The following WIZ variants were observed in gnomAD, a reference collection of about 807,000 sequenced individuals.
WIZ encodes protein Wiz.
Under a neutral mutation model 140.2 loss-of-function variants are expected in WIZ, and 25 were observed. The ratio of observed to expected loss-of-function variants is 0.18; its 90% CI spans 0.13 to 0.25. The LOEUF is 0.25. Among genes scored for constraint, WIZ ranks in the 10% least tolerant of loss-of-function variants. The pLI is 1.00. For missense variants in WIZ, 2,231 were observed against 2,632.6 expected (o/e 0.85, Z 3.34); for synonymous variants, 1,125 against 1,154.3 (o/e 0.97, Z 0.51).
rs1186341844 is a variant in WIZ, at chr19:15,428,328, T to C, written c.3596A>G (p.Gln1199Arg). The C allele has an allele frequency of 1.3e-6, 2 of 1,534,382 alleles. No individual in the cohort carries two copies. The highest frequency in any genetic ancestry group is 8.7e-7 in the Non-Finnish European group (1 of 1,146,382). Residue 1199 changes from glutamine to arginine, a missense_variant, in exon 8 of 13, where the codon CAG becomes CGG. By Grantham distance (43) the Gln-to-Arg change is conservative. Coordinates refer to ENST00000673675, the MANE Select transcript of WIZ (RefSeq NM_001371589.1). This position sits in a 1 kb window ranked among gnomAD's most constrained non-coding sequence, Gnocchi z 6.4. ...GCCGCGCCTGGGTGGGAGGCGGATC[T>C]GGACGCCGTCCCTCCTGATGAGCCC... ...LHGLIRRDGV[Q>R]IRLPPRRGAL...
In WIZ at chr19:15,439,273, C is replaced by G. The variant is rs1236144765; in HGVS notation, c.1721G>C (p.Arg574Thr). 39 of 1,534,968 alleles carry G rather than the reference C, an allele frequency of 2.5e-5. No homozygotes were observed. The South Asian group carries it at 3.9e-4, about 15-fold the overall frequency. ...SKPLLHGTGQRPLGRLAFPST... is the reference protein window; with the variant it reads ...SKPLLHGTGQTPLGRLAFPST... ...GGGAAAGGCCAGCCTTCCGAGAGGC[C>G]TCTGGCCCGTGCCATGCAGGAGTGG... is the stretch of plus-strand genomic sequence containing the variant. Residue 574 changes from arginine to threonine, a missense_variant, in exon 4 of 13, where the codon AGG (arginine) becomes ACG (threonine). Arg to Thr is a moderately conservative substitution (Grantham distance 71). Around this residue, in one of 15 missense-constraint regions of WIZ, gnomAD observed 475 missense variants for 520.2 expected, o/e 0.91. Coordinates refer to ENST00000673675, the MANE Select transcript of WIZ (RefSeq NM_001371589.1). The surrounding 1 kb of genome is among the most constrained non-coding windows in gnomAD (Gnocchi z 7.0).
At position 15,427,643 on chromosome 19, in the gene WIZ, T is replaced by C; in HGVS notation, c.3815-110A>G. 1 of 1,269,204 alleles carries C rather than the reference T, an allele frequency of 7.9e-7. No individual in the cohort carries two copies. Among genetic ancestry groups the C allele is most frequent in the Non-Finnish European group, 1.1e-6 (1 of 938,266 alleles). 78.6% of individuals were successfully genotyped at this position (1,269,204 alleles called of 1,614,324 possible). A position where few individuals can be genotyped will look rare whatever the true frequency, so the allele number is the denominator to read the frequency against. On this transcript the variant is annotated intron_variant, in intron 8 of 12. Transcript: ENST00000673675. This position sits in a 1 kb window ranked among gnomAD's most constrained non-coding sequence, Gnocchi z 6.4. ...GGGCGGCAGCAGCACGCCCACAGGT[T>C]AGGGTGGTGAGGGCAGGTGCAGGTA...
chr19:15,425,320 T>G lies in WIZ; in HGVS notation c.4815A>C (p.Ala1605=), dbSNP rs1172180197. ...GGATGTAGGTCTTGGCCTTGACCTCTGCTGGGAGGAGGCGGTCCTCCTGCA... is the reference window on the plus strand; with the variant it reads ...GGATGTAGGTCTTGGCCTTGACCTCGGCTGGGAGGAGGCGGTCCTCCTGCA... ...RPLQEDRLLP[A]EVKAKTYIQT... is the part of the protein sequence containing the mutation. The change falls in exon 10 of 13, where the codon GCA becomes GCC. Residue 1605 remains alanine (A), a synonymous_variant. Transcript: ENST00000673675. 2.5e-6 allele frequency: 4 copies of G among 1,579,234 alleles called. No homozygotes were observed. In the East Asian group the frequency reaches 7.0e-5, roughly 28 times the overall value.
Position 15,448,082 on chromosome 19 carries a change from C to T in WIZ, c.205+21G>A, listed in dbSNP as rs536437995. ...GAATGGGCTGGATGCTCCCTGGGGG[C>T]CACACGGCCCATTCTCTTACCAGAG... is the stretch of plus-strand genomic sequence containing the variant. On this transcript the variant is annotated intron_variant, in intron 2 of 12. Coordinates refer to ENST00000673675, the MANE Select transcript of WIZ (RefSeq NM_001371589.1). 3 of 1,611,082 alleles carry T rather than the reference C, an allele frequency of 1.9e-6. No homozygotes were observed. In the African/African-American group the frequency reaches 4.0e-5, roughly 22 times the overall value.
rs747096765 is a variant in WIZ, at chr19:15,426,992, G to C, written c.4356C>G (p.Pro1452=). The C allele has an allele frequency of 3.1e-6, 5 of 1,612,350 alleles. No homozygotes were observed. Among genetic ancestry groups the C allele is most frequent in the East Asian group, 2.2e-5 (1 of 44,872 alleles). Residue 1452 remains proline (P), a synonymous_variant, in exon 9 of 13, where the codon CCC becomes CCG. Transcript: ENST00000673675. ...PWGAPREDMT[P]LNLSSRAEPV... The stretch of plus-strand genomic sequence containing the variant: ...CAGGGTCACACTTACACAGGTTCAG[G>C]GGTGTCATGTCTTCCCGTGGTGCCC...
rs956318263 is a variant in WIZ, at chr19:15,440,099, C to G, written c.895G>C (p.Glu299Gln). 1.3e-6 allele frequency: 2 copies of G among 1,534,338 alleles called. No homozygotes were observed. Among genetic ancestry groups the G allele is most frequent in the Non-Finnish European group, 1.7e-6 (2 of 1,145,910 alleles). ...YLCELLEEVA[E>Q]GVASPDEDED... ...TCCTCATCTGGGCTGGCCACCCCTT[C>G]GGCCACCTCCTCCAGCAGCTCACAC... Residue 299 changes from glutamate to glutamine, a missense_variant, in exon 4 of 13, where the codon GAA (glutamate) becomes CAA (glutamine). Glu to Gln is a conservative substitution (Grantham distance 29, BLOSUM62 2). This residue lies in a region of WIZ where 307 missense variants were observed against 294.1 expected (regional missense o/e 1.04). Coordinates refer to ENST00000673675, the MANE Select transcript of WIZ (RefSeq NM_001371589.1). The surrounding 1 kb of genome is among the most constrained non-coding windows in gnomAD (Gnocchi z 6.2).
In WIZ at chr19:15,427,112, C is replaced by T. The variant is rs1297744500; in HGVS notation, c.4236G>A (p.Lys1412=). The change falls in exon 9 of 13, where the codon AAG becomes AAA. Residue 1412 remains lysine (K), a synonymous_variant. Transcript: ENST00000673675. The surrounding 1 kb of genome is among the most constrained non-coding windows in gnomAD (Gnocchi z 6.4). ...CCCGTATTTGTTCAGGCTTCAGCTT[C>T]TTGGGCAAGGAGGGTGCAGCCAGGC... The part of the protein sequence containing the change: ...FPGLAAPSLP[K]KLKPEQIRVE... The T allele has an allele frequency of 6.2e-7, 1 of 1,614,212 alleles. No individual in the cohort carries two copies. Among genetic ancestry groups the T allele is most frequent in the Non-Finnish European group, 8.5e-7 (1 of 1,180,030 alleles).
chr19:15,425,807 GGA>G, intron 9 of WIZ, 39 bp from the exon 10 acceptor site: 4 of 109,114 alleles, frequency 3.7e-5, no homozygotes, highest in Non-Finnish European at 4.2e-5. Context: ...AGGAGGAGGA[GGA>G]GGAGGAGGGA....
chr19:15,438,384 A>C (rs1568308311), intron 4 of WIZ, among the ~76,000 whole-genome samples, 194 bp downstream of exon 4: 1 of 152,194 alleles, frequency 6.6e-6, no homozygotes, highest in Non-Finnish European at 1.5e-5. Context: ...TCCTTCCTCC[A>C]GTGGCTGGAA....
chr19:15,428,447 G>T lies in WIZ; in HGVS notation c.3477C>A (p.Thr1159=), dbSNP rs983268596. 4 of 1,535,664 alleles carry T rather than the reference G, an allele frequency of 2.6e-6. No homozygotes were observed. The highest frequency in any genetic ancestry group is 3.5e-6 in the Non-Finnish European group (4 of 1,146,832). ...DCQLCGAWFE[T]RKGLSSHARA... is the part of the protein sequence containing the mutation. ...GGGCGTGGCTAGACAGGCCCTTGCG[G>T]GTCTCAAACCAGGCACCGCACAGCT... The change falls in exon 8 of 13, where the codon ACC becomes ACA. Residue 1159 remains threonine, a synonymous_variant. Coordinates refer to ENST00000673675, the MANE Select transcript of WIZ (RefSeq NM_001371589.1). This position sits in a 1 kb window ranked among gnomAD's most constrained non-coding sequence, Gnocchi z 6.4.
rs1022760413 is a variant in WIZ at position 15,422,967 on chromosome 19, T to C, written c.*109A>G. ...CCCCAAGGGGCGCCGGTTTGAGGTT[T>C]TGGCTTGCTCCTTTGGAAACGGAAA... On this transcript the variant is annotated 3_prime_UTR_variant, in exon 13 of 13. Transcript: ENST00000673675. 14 of 1,486,020 alleles carry C rather than the reference T, an allele frequency of 9.4e-6. No homozygotes were observed. The East Asian group carries it at 1.9e-4, about 20-fold the overall frequency. The allele number at this position is 1,486,020 out of a possible 1,614,324, so 92.1% of individuals were successfully genotyped here. A position where few individuals can be genotyped will look rare whatever the true frequency, so the allele number is the denominator to read the frequency against.
At position 15,436,833 on chromosome 19, in the gene WIZ, C is replaced by T. The variant is rs201910472; in HGVS notation, c.2713G>A (p.Glu905Lys). 2.1e-4 allele frequency: 329 copies of T among 1,604,726 alleles called. 1 individual carries two copies. The African/African-American group carries it at 4.1e-3, about 20-fold the overall frequency. Reference protein sequence around the residue: ...LTVPFPPTWAEDPGPAYGDGL... With the variant: ...LTVPFPPTWAKDPGPAYGDGL... ...TCTCCATAGGCTGGCCCAGGGTCCT[C>T]AGCCCAGGTGGGTGGAAAGGGCACC... The change falls in exon 5 of 13, where the codon GAG becomes AAG. Residue 905 changes from glutamate (E) to lysine (K), a missense_variant. Glu to Lys is a moderately conservative substitution (Grantham distance 56, BLOSUM62 1). Transcript: ENST00000673675.
chr19:15,434,456 G>C (rs1429663667), intron 5 of WIZ, among the ~76,000 whole-genome samples: 1 of 151,308 alleles, frequency 6.6e-6, no homozygotes, highest in Non-Finnish European at 1.5e-5. Context: ...CCAGCTACTC[G>C]GGAGGCTGAG....
Position 15,422,905 on chromosome 19 carries a change from A to G in WIZ, c.*171T>C. On this transcript the variant is annotated 3_prime_UTR_variant, in exon 13 of 13. Coordinates refer to ENST00000673675, the MANE Select transcript of WIZ (RefSeq NM_001371589.1). The stretch of plus-strand genomic sequence containing the variant: ...TCCTCGGGCTGGGGGAAGGGCAGCT[A>G]GCTGGCTCCCGGCGCCCTGGCTGTA... The G allele has an allele frequency of 1.0e-6, 1 of 961,662 alleles. No individual in the cohort carries two copies. Among genetic ancestry groups the G allele is most frequent in the Non-Finnish European group, 1.5e-6 (1 of 670,986 alleles). The allele number at this position is 961,662 out of a possible 1,614,324, so 59.6% of individuals were successfully genotyped here.
At chr19:15,443,703 A>T (rs1442073076) in intron 2 of WIZ, among the ~76,000 whole-genome samples, 1 of 152,184 alleles carries the variant, frequency 6.6e-6, no homozygotes, top group South Asian at 2.1e-4. Flanking sequence ...CCCTACTAGC[A>T]TGTAGTCACA....
intron 2 of WIZ, among the ~76,000 whole-genome samples, chr19:15,444,125 C>A (rs1295180988): frequency 6.6e-6 from 1 of 152,174 alleles, no homozygotes; most frequent in Non-Finnish European, 1.5e-5. Flanking sequence ...GTTGGATTAG[C>A]CTCAATTTGA....
At chr19:15,437,994 GACACAC>G (rs140038466) in intron 4 of WIZ, among the ~76,000 whole-genome samples, 1 of 150,544 alleles carries the variant, frequency 6.6e-6, no homozygotes, top group Non-Finnish European at 1.5e-5. Context: ...CTAGTGCGTA[GACACAC>G]ACACACACAC....
intron 4 of WIZ, among the ~76,000 whole-genome samples, chr19:15,438,092 T>C (rs1268433271): frequency 6.6e-6 from 1 of 152,070 alleles, no homozygotes; most frequent in African/African-American, 2.4e-5. Flanking sequence ...CCACCCAGGG[T>C]GCTCCTGTTG....
chr19:15,424,239 C>A lies in WIZ; in HGVS notation c.5454G>T (p.Arg1818=), dbSNP rs1043416422. Residue 1818 remains arginine (R), a synonymous_variant, in exon 12 of 13, where the codon CGG becomes CGT. Transcript: ENST00000673675. This position sits in a 1 kb window ranked among gnomAD's most constrained non-coding sequence, Gnocchi z 9.7. The part of the protein sequence containing the change: ...RVRPVPSLVP[R]PPQTSLVKFV... ...ACTTGACAAGTGATGTCTGGGGGGG[C>A]CGGGGCACCAGGGAGGGGACTGGCC... The A allele has an allele frequency of 1.3e-6, 2 of 1,582,346 alleles. No homozygotes were observed. The highest frequency in any genetic ancestry group is 2.8e-5 in the African/African-American group (2 of 72,484).
Sources: gnomAD v4.1 joint callset for allele counts (sites outside exome capture counted in the v4.1 genomes callset) on GRCh38, gnomAD v4.1.1 for gene constraint, gnomAD v4.1.1 regional missense constraint, Gnocchi (gnomAD v3.1) non-coding constraint, MANE v1.5 for transcripts, NCBI Gene and HGNC (gene_info 2026-07-23, HGNC 2026-07-21) for gene names.